Variants in NAALADL2 observed in about 807,000 individuals in gnomAD.
NAALADL2 encodes N-acetylated alpha-linked acidic dipeptidase like 2.
A neutral mutation model predicts 87.2 loss-of-function variants in NAALADL2; 76 were observed. The observed-to-expected ratio is 0.87, with a 90% CI of 0.72 to 1.05. The LOEUF (loss-of-function observed/expected upper bound fraction) is 1.05, where lower values mean the gene tolerates loss of function less well. NAALADL2 is among the 50% of genes least tolerant of loss of function. The pLI is 0.00. For synonymous variants in NAALADL2, 354 were observed against 331.0 expected, an observed-to-expected ratio of 1.07 and a Z score of -0.75; for missense variants, 1,089 against 945.8, an observed-to-expected ratio of 1.15 and a Z score of -1.99.
intron 2 of NAALADL2, among the ~76,000 whole-genome samples, chr3:175,107,488 A>C (rs920031573): frequency 6.7e-6 from 1 of 149,828 alleles, no homozygotes; most frequent in Admixed American, 6.7e-5. Flanking sequence ...AGCTCTTTTC[A>C]TACACAAGCA....
intron 5 of NAALADL2, among the ~76,000 whole-genome samples, chr3:175,326,649 A>G (rs1375477928): frequency 6.6e-6 from 1 of 152,210 alleles, no homozygotes; most frequent in African/African-American, 2.4e-5. Flanking sequence ...GGTCAGTCCA[A>G]GGTCAAGGGG....
chr3:175,621,907 A>G lies in NAALADL2; in HGVS notation c.1801-5384A>G, dbSNP rs535265757. On this transcript the variant is annotated intron_variant, in intron 10 of 13. Coordinates refer to ENST00000454872, the MANE Select transcript of NAALADL2 (RefSeq NM_207015.3). ...TAGACACTGGCTGACAGTACAGTAC[A>G]CAGGCACTCAGCAAATTGTAGCTAC... 1.7e-4 allele frequency among the ~76,000 whole-genome samples: 26 copies of G among 152,298 alleles called. 1 individual carries two copies. The South Asian group carries it at 5.2e-3, about 30-fold the overall frequency.
At chr3:175,343,669 T>TTTTTTTTTTTTTTTG (rs1762825012) in intron 5 of NAALADL2, among the ~76,000 whole-genome samples, 1 of 144,746 alleles carries the variant, frequency 6.9e-6, no homozygotes, top group Non-Finnish European at 1.5e-5. Context: ...TTTTTTTTTT[T>TTTTTTTTTTTTTTTG]TTTTTTTCCC....
At chr3:175,314,694 A>T (rs1281331839) in intron 4 of NAALADL2, among the ~76,000 whole-genome samples, 11 of 82,748 alleles carry the variant, frequency 1.3e-4, no homozygotes, top group African/African-American at 4.1e-4. Context: ...ATATATATAT[A>T]TATATATATA....
intron 5 of NAALADL2, among the ~76,000 whole-genome samples, chr3:175,413,432 A>G (rs2112046): frequency 0.75 from 113,264 of 151,068 alleles, 42,677 homozygotes; most frequent in East Asian, 0.87. Context: ...TTGGCCGGGC[A>G]TGGTAGCGTC....
intron 1 of NAALADL2, among the ~76,000 whole-genome samples, chr3:174,451,731 T>G (rs1397371618): frequency 6.6e-6 from 1 of 152,190 alleles, no homozygotes; most frequent in Non-Finnish European, 1.5e-5. Context: ...CTTTACTCAT[T>G]TTTACAAAAC....
At chr3:174,724,370 A>T (rs530411981) in intron 2 of NAALADL2, among the ~76,000 whole-genome samples, 1 of 152,160 alleles carries the variant, frequency 6.6e-6, no homozygotes, top group African/African-American at 2.4e-5. Flanking sequence ...ATGTTAAATA[A>T]TTGGGTAATT....
At chr3:174,706,898 T>A (rs886731203) in intron 2 of NAALADL2, among the ~76,000 whole-genome samples, 15 of 152,222 alleles carry the variant, frequency 9.9e-5, no homozygotes, top group Non-Finnish European at 1.9e-4. Flanking sequence ...TAGGGAATCC[T>A]TTCCCCATTT....
At position 174,911,735 on chromosome 3, in the gene NAALADL2, G is replaced by C. The variant is rs916658138; in HGVS notation, c.43+52285G>C. ...CCTTATATTCCTGTCTGTTTCCCTT[G>C]TTCCTGAGTTCCTTTTTTAAACTGG... On this transcript the variant is annotated intron_variant, in intron 1 of 13. Coordinates refer to ENST00000454872, the MANE Select transcript of NAALADL2 (RefSeq NM_207015.3). Among the ~76,000 whole-genome samples the C allele has an allele frequency of 5.9e-5, 9 of 152,082 alleles. No homozygotes were observed. In the East Asian group the frequency reaches 1.7e-3, roughly 29 times the overall value.
intron 11 of NAALADL2, among the ~76,000 whole-genome samples, chr3:175,631,490 C>T (rs1245073096): frequency 2.0e-5 from 3 of 148,786 alleles, no homozygotes; most frequent in South Asian, 2.1e-4. Flanking sequence ...TGTCTTGGCA[C>T]TTGTCTTTTT....
intron 1 of NAALADL2, among the ~76,000 whole-genome samples, chr3:175,082,808 T>C (rs572276349): frequency 8.5e-5 from 13 of 152,312 alleles, no homozygotes; most frequent in Middle Eastern, 3.4e-3. Flanking sequence ...GCTTGGTAAA[T>C]ATGTAGAAGG....
At chr3:174,835,078 A>C (rs1027766190) in intron 3 of NAALADL2, among the ~76,000 whole-genome samples, 10 of 152,048 alleles carry the variant, frequency 6.6e-5, no homozygotes, top group African/African-American at 2.2e-4. Context: ...TCAAAATAAC[A>C]TGGTATTTGT....
intron 11 of NAALADL2, among the ~76,000 whole-genome samples, chr3:175,694,652 C>T (rs1036235822): frequency 1.3e-5 from 2 of 151,992 alleles, no homozygotes; most frequent in Non-Finnish European, 2.9e-5. Context: ...AGGAAGGAAC[C>T]AGCATTGCTA....
At chr3:175,299,836 G>C (rs1756820915) in intron 4 of NAALADL2, among the ~76,000 whole-genome samples, 1 of 152,134 alleles carries the variant, frequency 6.6e-6, no homozygotes, top group South Asian at 2.1e-4. Context: ...GAATAGGAGT[G>C]GTGAGAAAGG....
chr3:175,603,307 A>G (rs1033246639), intron 10 of NAALADL2, among the ~76,000 whole-genome samples: 4 of 152,166 alleles, frequency 2.6e-5, no homozygotes, highest in African/African-American at 4.8e-5. Flanking sequence ...ACATTTTTTC[A>G]GTTTTATATA....
intron 3 of NAALADL2, among the ~76,000 whole-genome samples, chr3:175,250,657 C>T (rs1356135107): frequency 6.6e-6 from 1 of 152,140 alleles, no homozygotes; most frequent in African/African-American, 2.4e-5. Context: ...TGACTAGAAA[C>T]AATCTAGTGC....
chr3:175,675,825 T>A (rs1734695056), intron 11 of NAALADL2: 1 of 152,138 alleles, frequency 6.6e-6, no homozygotes, highest in South Asian at 2.1e-4. Flanking sequence ...TAAAAAATGG[T>A]TTTATTTTCC....
intron 5 of NAALADL2, among the ~76,000 whole-genome samples, chr3:175,398,465 T>G (rs1770123621): frequency 6.6e-6 from 1 of 151,862 alleles, no homozygotes; most frequent in African/African-American, 2.4e-5. Flanking sequence ...TGTATGGTTC[T>G]CATTGTATTG....
intron 1 of NAALADL2, among the ~76,000 whole-genome samples, chr3:175,094,487 T>G (rs1260728811): frequency 6.6e-6 from 1 of 152,006 alleles, no homozygotes; most frequent in Non-Finnish European, 1.5e-5. Context: ...TATAAGTTAA[T>G]CAGCTGTCAC....
Sources: gnomAD v4.1 joint callset for allele counts (sites outside exome capture counted in the v4.1 genomes callset) on GRCh38, gnomAD v4.1.1 for gene constraint, MANE v1.5 for transcripts, NCBI Gene and HGNC (gene_info 2026-07-23, HGNC 2026-07-21) for gene names.